Variants in SAMD4A observed in about 807,000 individuals in gnomAD.
SAMD4A encodes the protein sterile alpha motif domain containing 4A.
SAMD4A carries 33 observed loss-of-function variants against 81.3 expected under a neutral mutation model. The observed-to-expected ratio is 0.41, with a 90% CI of 0.31 to 0.54. SAMD4A has a LOEUF of 0.54. SAMD4A is among the 20% of genes least tolerant of loss of function. The pLI, the probability that SAMD4A is intolerant of heterozygous loss-of-function variation, is 0.37. For synonymous variants in SAMD4A, 389 were observed against 382.1 expected (o/e 1.02, Z -0.21); for missense variants, 854 against 951.1 (o/e 0.90, Z 1.34).
intron 2 of SAMD4A, among the ~76,000 whole-genome samples, chr14:54,666,497 G>A (rs74664417): frequency 0.029 from 4,420 of 152,142 alleles, 116 homozygotes; most frequent in Middle Eastern, 0.095. Context: ...CTGCAAACAC[G>A]GTATTTTCAA....
intron 2 of SAMD4A, among the ~76,000 whole-genome samples, chr14:54,699,880 C>T (rs1172594441): frequency 4.6e-5 from 7 of 152,186 alleles, no homozygotes; most frequent in East Asian, 1.9e-4. Flanking sequence ...TTCTTCTCCA[C>T]GTCCTATCTT....
At chr14:54,767,290 T>C (rs1344281134) in intron 8 of SAMD4A, among the ~76,000 whole-genome samples, 1 of 152,154 alleles carries the variant, frequency 6.6e-6, no homozygotes, top group Admixed American at 6.5e-5. Flanking sequence ...CGCCCCTTCA[T>C]AGCCCGGACA....
intron 2 of SAMD4A, among the ~76,000 whole-genome samples, chr14:54,586,365 CACTCTGTGGGTTATCTGTTT>C (rs1375149237): frequency 6.6e-6 from 1 of 152,176 alleles, no homozygotes; most frequent in East Asian, 1.9e-4. Context: ...AATTTTCTCC[CACTCTGTGGGTTATCTGTTT>C]ACTCTGCTGA....
intron 2 of SAMD4A, among the ~76,000 whole-genome samples, chr14:54,569,068 A>G (rs1294848249): frequency 6.6e-6 from 1 of 151,892 alleles, no homozygotes; most frequent in East Asian, 1.9e-4. Flanking sequence ...GATAGGGGGA[A>G]ATTCTTTAGT....
At chr14:54,741,546 G>A (rs1347012792) in intron 4 of SAMD4A, among the ~76,000 whole-genome samples, 1 of 152,134 alleles carries the variant, frequency 6.6e-6, no homozygotes, top group African/African-American at 2.4e-5. Context: ...CTAGTTTCTG[G>A]GCAGACAGGG....
At chr14:54,632,885 C>T (rs2034937520) in intron 2 of SAMD4A, among the ~76,000 whole-genome samples, 1 of 152,206 alleles carries the variant, frequency 6.6e-6, no homozygotes, top group Admixed American at 6.5e-5. Context: ...TTATCTGTCA[C>T]TATGTATAGT....
intron 2 of SAMD4A, among the ~76,000 whole-genome samples, chr14:54,585,220 G>A (rs529993490): frequency 2.6e-5 from 4 of 152,280 alleles, no homozygotes; most frequent in South Asian, 2.1e-4. Flanking sequence ...AAATGACCGT[G>A]TAGCATTCTA....
At chr14:54,748,736 C>T in intron 4 of SAMD4A, 79 bp from the exon 5 acceptor site, 1 of 960,378 alleles carries the variant, frequency 1.0e-6, no homozygotes, top group Non-Finnish European at 1.6e-6. Context: ...CTTTTCCTTT[C>T]TCTGTTCCTA....
chr14:54,617,864 T>A (rs111798383), intron 2 of SAMD4A, among the ~76,000 whole-genome samples: 8 of 152,354 alleles, frequency 5.3e-5, no homozygotes, highest in African/African-American at 1.9e-4. Context: ...GTGATATAAA[T>A]TGTTTTCACA....
intron 2 of SAMD4A, among the ~76,000 whole-genome samples, chr14:54,579,320 A>AAT: frequency 6.6e-6 from 1 of 152,372 alleles, no homozygotes; most frequent in South Asian, 2.1e-4. Context: ...AATCCCACAA[A>AAT]GTAGATACTA....
intron 3 of SAMD4A, among the ~76,000 whole-genome samples, chr14:54,712,844 G>A (rs1034959565): frequency 6.6e-6 from 1 of 152,118 alleles, no homozygotes; most frequent in South Asian, 2.1e-4. Context: ...AACACTAGAT[G>A]AGCTACAGAG....
chr14:54,611,088 A>G (rs1312859093), intron 2 of SAMD4A, among the ~76,000 whole-genome samples: 2 of 152,218 alleles, frequency 1.3e-5, no homozygotes, highest in African/African-American at 2.4e-5. Flanking sequence ...ACACAGAAAT[A>G]TTGTACTTTA....
chr14:54,701,103 A>G (rs2036705899), intron 2 of SAMD4A: 1 of 151,824 alleles, frequency 6.6e-6, no homozygotes, highest in Non-Finnish European at 1.5e-5. Context: ...AGCTCAAGCA[A>G]TCCTCCCACC....
intron 3 of SAMD4A, among the ~76,000 whole-genome samples, chr14:54,724,051 A>AG (rs1566605009): frequency 4.8e-4 from 72 of 150,898 alleles, no homozygotes; most frequent in African/African-American, 1.6e-3. Context: ...GAAGGAAGGA[A>AG]TAATGCAGGA....
At chr14:54,668,189 A>G (rs2035795720) in intron 2 of SAMD4A, among the ~76,000 whole-genome samples, 1 of 152,134 alleles carries the variant, frequency 6.6e-6, no homozygotes, top group African/African-American at 2.4e-5. Context: ...CCTAGTTCCT[A>G]CATACAACTT....
At chr14:54,587,321 T>G (rs2033650083) in intron 2 of SAMD4A, among the ~76,000 whole-genome samples, 1 of 152,200 alleles carries the variant, frequency 6.6e-6, no homozygotes. Context: ...TTCTAGGAGC[T>G]TTTTGGATGA....
intron 2 of SAMD4A, among the ~76,000 whole-genome samples, chr14:54,600,132 C>A (rs1333337647): frequency 2.6e-5 from 4 of 152,076 alleles, no homozygotes; most frequent in African/African-American, 9.7e-5. Flanking sequence ...TGTGTCCTGG[C>A]CTTTCTTTCT....
chr14:54,724,007 T>TGGAAGGAAGGAAGAAGGAAGGAA (rs1555347509), intron 3 of SAMD4A, among the ~76,000 whole-genome samples: 4 of 124,176 alleles, frequency 3.2e-5, no homozygotes, highest in African/African-American at 9.0e-5. Context: ...GATGGATGGA[T>TGGAAGGAAGGAAGAAGGAAGGAA]GGAAGGAAGG....
chr14:54,739,849 A>T (rs1381905439), intron 4 of SAMD4A, among the ~76,000 whole-genome samples: 2 of 152,182 alleles, frequency 1.3e-5, no homozygotes, highest in Admixed American at 1.3e-4. Flanking sequence ...GCTGGTTTAA[A>T]TTTTCAAAAT....
Sources: gnomAD v4.1 joint callset for allele counts (sites outside exome capture counted in the v4.1 genomes callset) on GRCh38, gnomAD v4.1.1 for gene constraint, MANE v1.5 for transcripts, NCBI Gene and HGNC (gene_info 2026-07-23, HGNC 2026-07-21) for gene names.